The following PIEZO2 variants were observed in gnomAD, a reference collection of about 807,000 sequenced individuals.
PIEZO2 encodes the protein piezo-type mechanosensitive ion channel component 2.
Under a neutral mutation model 337.3 loss-of-function variants are expected in PIEZO2, and 172 were observed. That is an observed-to-expected ratio of 0.51 (90% CI 0.45 to 0.58). The LOEUF is 0.58. Among genes scored for constraint, PIEZO2 ranks in the 20% least tolerant of loss-of-function variants. The probability of loss-of-function intolerance (pLI) is 0.00; values close to 1 mark genes in which losing one functional copy is unlikely to be tolerated. For missense variants in PIEZO2, 3,028 were observed against 3,391.3 expected (o/e 0.89, Z 2.66); for synonymous variants, 1,251 against 1,228.5 (o/e 1.02, Z -0.38).
At position 10,831,923 on chromosome 18, in the gene PIEZO2, G is replaced by A. The variant is rs568982494; in HGVS notation, c.917+23430C>T. 4.6e-5 allele frequency among the ~76,000 whole-genome samples: 7 copies of A among 152,260 alleles called. No homozygotes were observed. In the South Asian group the frequency reaches 8.3e-4, roughly 18 times the overall value. On this transcript the variant is annotated intron_variant, in intron 7 of 55. Transcript: ENST00000674853. ...AATGTCCCTCTGGTCCCCAAGCTCCGTGATTCTCAGGCTACCATAGCTTGG... is the reference window on the plus strand; with the variant it reads ...AATGTCCCTCTGGTCCCCAAGCTCCATGATTCTCAGGCTACCATAGCTTGG...
At position 10,773,776 on chromosome 18, in the gene PIEZO2, CT is replaced by C. The variant is rs2038689139; in HGVS notation, c.2568-148del. The C allele has an allele frequency of 2.6e-6, 2 of 782,328 alleles. No homozygotes were observed. Among genetic ancestry groups the C allele is most frequent in the East Asian group, 5.4e-5 (2 of 37,332 alleles). 48.5% of individuals were successfully genotyped at this position (782,328 alleles called of 1,614,324 possible). ...TGGGGTGTTAGCGTTTTGTCACTTT[CT>C]TTTTGGTTGGTTTGTTTGTTTTAAG... On this transcript the variant is annotated intron_variant, in intron 19 of 55. Coordinates refer to ENST00000674853, the MANE Select transcript of PIEZO2 (RefSeq NM_001378183.1). This position sits in a 1 kb window ranked among gnomAD's most constrained non-coding sequence, Gnocchi z 5.3.
chr18:11,135,009 T>G (rs2040442301), intron 1 of PIEZO2, among the ~76,000 whole-genome samples: 1 of 150,334 alleles, frequency 6.7e-6, no homozygotes, highest in Non-Finnish European at 1.5e-5. Flanking sequence ...GTTGTGTAAT[T>G]GTTAAGGGGA....
At chr18:10,799,415 C>T (rs941751367) in intron 11 of PIEZO2, among the ~76,000 whole-genome samples, 5 of 152,232 alleles carry the variant, frequency 3.3e-5, no homozygotes, top group African/African-American at 1.2e-4. Context: ...GCCAGACCTT[C>T]ACAGTCTTCA....
chr18:10,824,261 A>G lies in PIEZO2; in HGVS notation c.918-16987T>C, dbSNP rs1021297087. Among the ~76,000 whole-genome samples the G allele has an allele frequency of 6.6e-6, 1 of 152,222 alleles. No individual in the cohort carries two copies. Among genetic ancestry groups the G allele is most frequent in the African/African-American group, 2.4e-5 (1 of 41,446 alleles). On this transcript the variant is annotated intron_variant, in intron 7 of 55. Coordinates refer to ENST00000674853, the MANE Select transcript of PIEZO2 (RefSeq NM_001378183.1). The surrounding 1 kb of genome is among the most constrained non-coding windows in gnomAD (Gnocchi z 4.4). Reference sequence around the variant, plus strand: ...AGACAAGTCTCCATAGTCTGTGGGAAAAAATGTATTTAAAATAAAGGCAAC... The same window carrying G: ...AGACAAGTCTCCATAGTCTGTGGGAGAAAATGTATTTAAAATAAAGGCAAC...
chr18:10,942,374 A>G lies in PIEZO2; in HGVS notation c.287-31146T>C, dbSNP rs546492374. The stretch of plus-strand genomic sequence containing the variant: ...TAACCAAAATGCTGATAATGATATG[A>G]GCAATGAAATCCAGGCTGAGGTGGT... On this transcript the variant is annotated intron_variant, in intron 3 of 55. Coordinates refer to ENST00000674853, the MANE Select transcript of PIEZO2 (RefSeq NM_001378183.1). The surrounding 1 kb of genome is among the most constrained non-coding windows in gnomAD (Gnocchi z 4.4). 2.0e-5 allele frequency among the ~76,000 whole-genome samples: 3 copies of G among 152,334 alleles called. No homozygotes were observed. The highest frequency in any genetic ancestry group is 2.0e-4 in the Admixed American group (3 of 15,308).
chr18:11,098,266 C>CAA (rs1240645993), intron 1 of PIEZO2, among the ~76,000 whole-genome samples: 4 of 124,604 alleles, frequency 3.2e-5, no homozygotes, highest in African/African-American at 1.2e-4. Context: ...CACACACACA[C>CAA]ACACACACGA....
chr18:10,845,046 A>G (rs1268237605), intron 7 of PIEZO2, among the ~76,000 whole-genome samples: 1 of 152,186 alleles, frequency 6.6e-6, no homozygotes. Context: ...CTAGTTAACT[A>G]TGAGGACAAT....
chr18:10,704,777 C>T (rs1366967423), intron 41 of PIEZO2, 125 bp from the exon 42 acceptor site: 8 of 1,145,506 alleles, frequency 7.0e-6, no homozygotes, highest in Admixed American at 2.5e-5. Flanking sequence ...CTCCGCCTCC[C>T]GAACTCAAGC....
At chr18:10,680,828 G>A (rs780904485) in intron 51 of PIEZO2, among the ~76,000 whole-genome samples, 1 of 152,018 alleles carries the variant, frequency 6.6e-6, no homozygotes, top group Non-Finnish European at 1.5e-5. Context: ...ACAGAAGAAA[G>A]AAGCATCTCC....
rs1409634980 is a variant in PIEZO2 at position 11,001,716 on chromosome 18, A to G, written c.161-22056T>C. Among the ~76,000 whole-genome samples, 2 of 151,986 alleles carry G rather than the reference A, an allele frequency of 1.3e-5. No homozygotes were observed. The highest frequency in any genetic ancestry group is 2.1e-4 in the South Asian group (1 of 4,818). On this transcript the variant is annotated intron_variant, in intron 2 of 55. Coordinates refer to ENST00000674853, the MANE Select transcript of PIEZO2 (RefSeq NM_001378183.1). This position sits in a 1 kb window ranked among gnomAD's most constrained non-coding sequence, Gnocchi z 5.3. ...AACATGGTAAAACCCTGTCTCTGCT[A>G]AAAATACAAAAATGGGCCATGCACA...
Position 11,032,048 on chromosome 18 carries a change from G to A in PIEZO2, c.160+34079C>T, listed in dbSNP as rs2036760063. Among the ~76,000 whole-genome samples, 1 of 152,158 alleles carries A rather than the reference G, an allele frequency of 6.6e-6. No individual in the cohort carries two copies. The highest frequency in any genetic ancestry group is 1.5e-5 in the Non-Finnish European group (1 of 68,040). On this transcript the variant is annotated intron_variant, in intron 2 of 55. Coordinates refer to ENST00000674853, the MANE Select transcript of PIEZO2 (RefSeq NM_001378183.1). The surrounding 1 kb of genome is among the most constrained non-coding windows in gnomAD (Gnocchi z 4.9). ...CCAATGACGATGGCAATAAAGTAAT[G>A]ATGACAAGAGCTACCATTTTTCAGG... is the stretch of plus-strand genomic sequence containing the variant.
At chr18:11,133,896 ACATAT>A (rs2040409658) in intron 1 of PIEZO2, among the ~76,000 whole-genome samples, 1 of 152,180 alleles carries the variant, frequency 6.6e-6, no homozygotes, top group African/African-American at 2.4e-5. Flanking sequence ...ATATACACAC[ACATAT>A]CATATTAGTC....
chr18:10,679,822 G>A (rs2034182596), intron 52 of PIEZO2, among the ~76,000 whole-genome samples: 1 of 152,174 alleles, frequency 6.6e-6, no homozygotes, highest in African/African-American at 2.4e-5. Flanking sequence ...ATTATAGTAA[G>A]AAACATTTGA....
chr18:10,883,085 A>C (rs2042470089), intron 4 of PIEZO2, among the ~76,000 whole-genome samples: 1 of 151,486 alleles, frequency 6.6e-6, no homozygotes, highest in Non-Finnish European at 1.5e-5. Context: ...GATCCGCCCA[A>C]CTCAGCCTCC....
At chr18:11,068,070 C>T (rs575826594) in intron 1 of PIEZO2, among the ~76,000 whole-genome samples, 199 of 152,254 alleles carry the variant, frequency 1.3e-3, no homozygotes, top group African/African-American at 4.5e-3. Context: ...TGCAGGCATC[C>T]GCCACACGCC....
chr18:10,983,215 G>T (rs2034736268), intron 2 of PIEZO2, among the ~76,000 whole-genome samples: 1 of 152,136 alleles, frequency 6.6e-6, no homozygotes, highest in Non-Finnish European at 1.5e-5. Flanking sequence ...GGAGGTTTTG[G>T]CTCTCATTTC....
At chr18:10,753,747 A>G (rs1032993328) in intron 27 of PIEZO2, among the ~76,000 whole-genome samples, 3 of 152,252 alleles carry the variant, frequency 2.0e-5, no homozygotes, top group Admixed American at 6.5e-5. Flanking sequence ...CACTTGAGCT[A>G]TCTAGCATTA....
At chr18:10,742,386 A>T in intron 32 of PIEZO2, 108 bp downstream of exon 32, 1 of 1,259,014 alleles carries the variant, frequency 7.9e-7, no homozygotes, top group Non-Finnish European at 1.1e-6. Context: ...AAAAAAGTGT[A>T]TCGATAATCT....
At chr18:10,831,258 A>T (rs1359204389) in intron 7 of PIEZO2, among the ~76,000 whole-genome samples, 1 of 152,258 alleles carries the variant, frequency 6.6e-6, no homozygotes, top group Non-Finnish European at 1.5e-5. Flanking sequence ...ACAATAGCCA[A>T]GATTTGGAAG....
Sources: gnomAD v4.1 joint callset for allele counts (sites outside exome capture counted in the v4.1 genomes callset) on GRCh38, gnomAD v4.1.1 for gene constraint, Gnocchi (gnomAD v3.1) non-coding constraint, MANE v1.5 for transcripts, NCBI Gene and HGNC (gene_info 2026-07-23, HGNC 2026-07-21) for gene names.